TTK: variants seen among roughly 807,000 people sequenced by gnomAD.
TTK encodes the protein dual specificity protein kinase TTK.
In TTK, 59 loss-of-function variants were observed where a neutral mutation model predicts 117.3. That is an observed-to-expected ratio of 0.50 (90% CI 0.41 to 0.62). The LOEUF (loss-of-function observed/expected upper bound fraction) is 0.62. Among genes scored for constraint, TTK ranks in the 20% least tolerant of loss-of-function variants. TTK has a pLI of 0.00. For synonymous variants in TTK, 302 were observed against 325.0 expected, an observed-to-expected ratio of 0.93 and a Z score of 0.76; for missense variants, 921 against 989.4, an observed-to-expected ratio of 0.93 and a Z score of 0.93.
intron 10 of TTK, 120 bp downstream of exon 10, chr6:80,014,706 T>C: frequency 9.1e-7 from 1 of 1,094,918 alleles, no homozygotes; most frequent in Non-Finnish European, 1.3e-6. Context: ...TTCTTTTATC[T>C]TGAATTTCCG....
intron 13 of TTK, among the ~76,000 whole-genome samples, chr6:80,029,112 T>C (rs1305375009): frequency 1.3e-5 from 2 of 152,138 alleles, no homozygotes; most frequent in Non-Finnish European, 2.9e-5. Context: ...TAATTAACTA[T>C]AAAAATCAAC....
intron 13 of TTK, among the ~76,000 whole-genome samples, chr6:80,030,689 A>G (rs987746982): frequency 2.6e-5 from 4 of 152,138 alleles, no homozygotes; most frequent in Non-Finnish European, 4.4e-5. Flanking sequence ...AGCACTGAGG[A>G]GGAAATCTAC....
intron 10 of TTK, among the ~76,000 whole-genome samples, chr6:80,019,516 C>A (rs1364644367): frequency 2.0e-5 from 3 of 152,138 alleles, no homozygotes; most frequent in Non-Finnish European, 2.9e-5. Flanking sequence ...CATTTACATG[C>A]CCTGAGCTTT....
intron 10 of TTK, among the ~76,000 whole-genome samples, chr6:80,015,691 T>G (rs1767289479): frequency 6.6e-6 from 1 of 152,246 alleles, no homozygotes; most frequent in African/African-American, 2.4e-5. Flanking sequence ...AAAATCATCT[T>G]TATCAAATAT....
chr6:80,024,320 G>T (rs1048618754), intron 11 of TTK, among the ~76,000 whole-genome samples: 1 of 152,158 alleles, frequency 6.6e-6, no homozygotes, highest in African/African-American at 2.4e-5. Context: ...ATTCATAGCA[G>T]CATTTTCATA....
chr6:80,023,510 GTGA>G (rs1156848642), intron 11 of TTK, among the ~76,000 whole-genome samples: 1 of 150,682 alleles, frequency 6.6e-6, no homozygotes, highest in African/African-American at 2.5e-5. Context: ...GGAGAATGGT[GTGA>G]ACCCAGGAGG....
At chr6:80,036,711 T>G in intron 17 of TTK, 112 bp downstream of exon 17, 1 of 1,163,224 alleles carries the variant, frequency 8.6e-7, no homozygotes, top group East Asian at 2.7e-5. Flanking sequence ...TTCAAAGGAT[T>G]TGAAGTCTTT....
Position 80,011,894 on chromosome 6 carries a change from A to C in TTK, c.810A>C (p.Pro270=). The C allele has an allele frequency of 6.2e-7, 1 of 1,612,572 alleles. No homozygotes were observed. The highest frequency in any genetic ancestry group is 8.5e-7 in the Non-Finnish European group (1 of 1,179,076). The change falls in exon 8 of 22, where the codon CCA becomes CCC. Residue 270 remains proline (P), a synonymous_variant. Coordinates refer to ENST00000369798, the MANE Select transcript of TTK (RefSeq NM_003318.5). ...RQTNKTKQSC[P]FGRVPVNLLN... The stretch of plus-strand genomic sequence containing the variant: ...TTTCAAAATATTTTTAGTCATGCCC[A>C]TTTGGAAGAGTCCCAGTTAACCTTC...
In TTK at chr6:80,014,567, T is replaced by C. The variant is rs1391577903; in HGVS notation, c.1089T>C (p.Ser363=). ...CCCTGAAGAATAAAACGGAATCAAGTCTTCTAGCTAAATTAGAAGGTAAGA... is the reference window on the plus strand; with the variant it reads ...CCCTGAAGAATAAAACGGAATCAAGCCTTCTAGCTAAATTAGAAGGTAAGA... ...SITLKNKTES[S]LLAKLEETKE... Residue 363 remains serine (S), a synonymous_variant, in exon 10 of 22, where the codon AGT becomes AGC. Transcript: ENST00000369798. 6.3e-7 allele frequency: 1 copy of C among 1,597,802 alleles called. No homozygotes were observed. Among genetic ancestry groups the C allele is most frequent in the Non-Finnish European group, 8.5e-7 (1 of 1,172,968 alleles).
intron 4 of TTK, among the ~76,000 whole-genome samples, chr6:80,009,245 A>G (rs923424554): frequency 6.6e-6 from 1 of 151,994 alleles, no homozygotes; most frequent in Non-Finnish European, 1.5e-5. Flanking sequence ...ACATATTAAC[A>G]CTATTGGAAG....
At chr6:80,026,635 ATAT>A in intron 12 of TTK, 121 bp downstream of exon 12, 4 of 1,392,614 alleles carry the variant, frequency 2.9e-6, no homozygotes, top group Non-Finnish European at 3.9e-6. Context: ...TTCCATCTTC[ATAT>A]TATTTTTTCA....
chr6:80,011,831 G>T (rs2127716662), intron 7 of TTK, 30 bp downstream of exon 7: 2 of 1,612,208 alleles, frequency 1.2e-6, no homozygotes, highest in African/African-American at 1.3e-5. Context: ...CTTGATTAAG[G>T]TGGTGATAGT....
At chr6:80,025,802 G>A (rs1767588980) in intron 11 of TTK, among the ~76,000 whole-genome samples, 1 of 151,788 alleles carries the variant, frequency 6.6e-6, no homozygotes, top group Admixed American at 6.6e-5. Flanking sequence ...GATTTCTGCT[G>A]CAGCGGATGT....
chr6:80,041,301 C>A (rs2127685768), intron 21 of TTK, among the ~76,000 whole-genome samples: 1 of 151,900 alleles, frequency 6.6e-6, no homozygotes, highest in Non-Finnish European at 1.5e-5. Flanking sequence ...CCTAAACTAT[C>A]AATACTCGTA....
Position 80,008,436 on chromosome 6 carries a change from A to G in TTK, c.413A>G (p.Asn138Ser), listed in dbSNP as rs1767053209. ...ARDYFQMARA[N>S]CKKFAFVHIS... ...GACTACTTTCAAATGGCCAGAGCAA[A>G]CTGCAAGAAATTTGCTTTTGTTCAT... The change falls in exon 4 of 22, where the codon AAC becomes AGC. Residue 138 changes from asparagine to serine, a missense_variant. Asn to Ser is a conservative substitution (Grantham distance 46, BLOSUM62 1). Coordinates refer to ENST00000369798, the MANE Select transcript of TTK (RefSeq NM_003318.5). 6.2e-7 allele frequency: 1 copy of G among 1,612,634 alleles called. No homozygotes were observed. Among genetic ancestry groups the G allele is most frequent in the African/African-American group, 1.3e-5 (1 of 75,000 alleles).
chr6:80,036,410 G>A (rs1272658591), intron 16 of TTK, 65 bp from the exon 17 acceptor site: 2 of 1,531,160 alleles, frequency 1.3e-6, no homozygotes, highest in East Asian at 4.6e-5. Context: ...CCTGTAGACT[G>A]TGAATTTTTT....
intron 14 of TTK, among the ~76,000 whole-genome samples, chr6:80,034,031 TAAGTC>T (rs1767826320): frequency 6.6e-6 from 1 of 152,142 alleles, no homozygotes; most frequent in African/African-American, 2.4e-5. Flanking sequence ...TAAGCTTACT[TAAGTC>T]AAGGGCCAAG....
At chr6:80,025,273 G>A (rs982341985) in intron 11 of TTK, among the ~76,000 whole-genome samples, 4 of 152,094 alleles carry the variant, frequency 2.6e-5, no homozygotes, top group Non-Finnish European at 5.9e-5. Context: ...GTGCTTGTAC[G>A]TGAGCACAGA....
At chr6:80,027,679 A>G (rs1218558088) in intron 12 of TTK, among the ~76,000 whole-genome samples, 10 of 152,216 alleles carry the variant, frequency 6.6e-5, no homozygotes, top group Admixed American at 6.5e-4. Context: ...CTGCATACAA[A>G]TATTTACTTT....
Sources: allele counts gnomAD v4.1 joint callset (sites outside exome capture counted in the v4.1 genomes callset), GRCh38; gene constraint gnomAD v4.1.1; transcripts MANE v1.5; gene names NCBI Gene and HGNC (gene_info 2026-07-23, HGNC 2026-07-21).